The following CDH13 variants were observed in gnomAD, a reference collection of about 807,000 sequenced individuals.
CDH13 encodes the protein cadherin 13.
In CDH13, 24 loss-of-function variants were observed where a neutral mutation model predicts 63.8. The ratio of observed to expected loss-of-function variants is 0.38; its 90% confidence interval spans 0.27 to 0.53. The LOEUF is 0.53. CDH13 is among the 20% of genes least tolerant of loss of function. The pLI is 0.85. For missense variants in CDH13, 1,049 were observed against 903.1 expected, an observed-to-expected ratio of 1.16 and a Z score of -2.07; for synonymous variants, 503 against 355.3, an observed-to-expected ratio of 1.42 and a Z score of -4.67.
At position 82,780,679 on chromosome 16, in the gene CDH13, C is replaced by T. The variant is rs528617778; in HGVS notation, c.46-77683C>T. Among the ~76,000 whole-genome samples, 11 of 152,322 alleles carry T rather than the reference C, an allele frequency of 7.2e-5. No homozygotes were observed. In the South Asian group the frequency reaches 1.9e-3, roughly 26 times the overall value. On this transcript the variant is annotated intron_variant, in intron 1 of 13. Transcript: ENST00000567109. ...TTTAATAAACTTACATTAGAAATAA[C>T]TTACTAAAATTACAATTGGCATGAT...
chr16:83,166,396 T>C (rs548562028), intron 4 of CDH13, among the ~76,000 whole-genome samples: 89 of 152,124 alleles, frequency 5.9e-4, no homozygotes, highest in African/African-American at 1.9e-3. Flanking sequence ...TGGGCTAAGA[T>C]GAGAGAGGGG....
At chr16:83,502,251 T>C (rs1489312) in intron 7 of CDH13, among the ~76,000 whole-genome samples, 103,130 of 152,034 alleles carry the variant, frequency 0.68, 35,940 homozygotes, top group East Asian at 0.89. Context: ...GGGCCTGATA[T>C]AATCACAGGG....
chr16:83,163,257 A>G (rs1357852789), intron 4 of CDH13, among the ~76,000 whole-genome samples: 3 of 151,994 alleles, frequency 2.0e-5, no homozygotes, highest in Non-Finnish European at 4.4e-5. Context: ...GTATGTCTTT[A>G]TCAGTAGTGC....
chr16:83,651,588 C>CTTT (rs35237670), intron 8 of CDH13, among the ~76,000 whole-genome samples: 2,519 of 75,268 alleles, frequency 0.033, 8 homozygotes, highest in Non-Finnish European at 0.037. Flanking sequence ...TTATTTTCCT[C>CTTT]TTTTTTTTTT....
intron 2 of CDH13, among the ~76,000 whole-genome samples, chr16:82,889,563 A>G (rs187262096): frequency 1.5e-4 from 23 of 152,250 alleles, no homozygotes; most frequent in African/African-American, 4.3e-4. Context: ...AAAGAGTACA[A>G]TTTTTCCATG....
chr16:83,089,768 C>G (rs1362613962), intron 3 of CDH13, among the ~76,000 whole-genome samples: 1 of 152,142 alleles, frequency 6.6e-6, no homozygotes, highest in African/African-American at 2.4e-5. Flanking sequence ...TCTAAGTAAA[C>G]GTAGAGTCCA....
chr16:82,636,117 A>G (rs1047243616), intron 1 of CDH13, among the ~76,000 whole-genome samples: 1 of 152,164 alleles, frequency 6.6e-6, no homozygotes, highest in Non-Finnish European at 1.5e-5. Context: ...TCCAAGAGAC[A>G]TTTAGGTGGA....
At chr16:83,178,279 C>T (rs1458855706) in intron 4 of CDH13, among the ~76,000 whole-genome samples, 1 of 152,094 alleles carries the variant, frequency 6.6e-6, no homozygotes, top group African/African-American at 2.4e-5. Context: ...TAGCTACCAG[C>T]AGCCCTCCTC....
chr16:82,932,675 T>C (rs1453454210), intron 2 of CDH13, among the ~76,000 whole-genome samples: 1 of 152,230 alleles, frequency 6.6e-6, no homozygotes, highest in Non-Finnish European at 1.5e-5. Flanking sequence ...TCCCTTAGCA[T>C]AGACCTTTAG....
intron 1 of CDH13, among the ~76,000 whole-genome samples, chr16:82,720,676 T>G (rs1278459019): frequency 6.0e-5 from 9 of 150,052 alleles, no homozygotes; most frequent in Non-Finnish European, 1.0e-4. Flanking sequence ...CAAGAGTTAG[T>G]GTTTTTTTTT....
intron 9 of CDH13, 133 bp from the exon 10 acceptor site, chr16:83,678,075 A>G: frequency 1.4e-6 from 1 of 731,972 alleles, no homozygotes; most frequent in Non-Finnish European, 2.2e-6. Flanking sequence ...CCAGTTACAC[A>G]GGCTTAGCCT....
intron 1 of CDH13, among the ~76,000 whole-genome samples, chr16:82,689,909 C>G (rs1251850423): frequency 7.3e-6 from 1 of 137,450 alleles, no homozygotes; most frequent in Non-Finnish European, 1.5e-5. Flanking sequence ...CTTTTGGAGG[C>G]CAAGGTGGGC....
At chr16:83,130,454 T>C (rs2035996681) in intron 4 of CDH13, among the ~76,000 whole-genome samples, 1 of 152,228 alleles carries the variant, frequency 6.6e-6, no homozygotes, top group Non-Finnish European at 1.5e-5. Context: ...ATTTCTCTTT[T>C]TAAAACAGCA....
chr16:82,742,593 G>T (rs891267026), intron 1 of CDH13, among the ~76,000 whole-genome samples: 1 of 152,014 alleles, frequency 6.6e-6, no homozygotes, highest in Non-Finnish European at 1.5e-5. Context: ...AAATAGAATT[G>T]TTCTTAATTT....
chr16:83,780,636 C>T (rs185489451), intron 12 of CDH13, among the ~76,000 whole-genome samples: 1 of 152,322 alleles, frequency 6.6e-6, no homozygotes, highest in Non-Finnish European at 1.5e-5. Context: ...CTTAACTAAT[C>T]TGTAGTTTCT....
At chr16:82,903,755 G>A (rs1222166907) in intron 2 of CDH13, among the ~76,000 whole-genome samples, 1 of 152,136 alleles carries the variant, frequency 6.6e-6, no homozygotes, top group Non-Finnish European at 1.5e-5. Flanking sequence ...GGGCTGTATA[G>A]TAACAAGCCT....
At chr16:83,764,608 C>T (rs1437486684) in intron 11 of CDH13, among the ~76,000 whole-genome samples, 1 of 152,056 alleles carries the variant, frequency 6.6e-6, no homozygotes, top group African/African-American at 2.4e-5. Context: ...TGTGAGGCTC[C>T]CACCCCCTCA....
chr16:83,147,905 G>T (rs1170853129), intron 4 of CDH13, among the ~76,000 whole-genome samples: 2 of 152,098 alleles, frequency 1.3e-5, no homozygotes, highest in African/African-American at 4.8e-5. Flanking sequence ...AAGGTAAGGA[G>T]CCAGCAGGTT....
At chr16:82,899,382 C>A (rs148863999) in intron 2 of CDH13, among the ~76,000 whole-genome samples, 1 of 152,096 alleles carries the variant, frequency 6.6e-6, no homozygotes, top group South Asian at 2.1e-4. Flanking sequence ...CAATGGTTTA[C>A]GCAAAAGCCA....
Sources: gnomAD v4.1 joint callset for allele counts (sites outside exome capture counted in the v4.1 genomes callset) on GRCh38, gnomAD v4.1.1 for gene constraint, MANE v1.5 for transcripts, NCBI Gene and HGNC (gene_info 2026-07-23, HGNC 2026-07-21) for gene names.